The following TENM1 variants were observed in gnomAD, a reference collection of about 807,000 sequenced individuals.
TENM1 encodes teneurin-1.
A neutral mutation model predicts 174.8 loss-of-function variants in TENM1; 35 were observed. That is an observed-to-expected ratio of 0.20 (90% CI 0.15 to 0.27). The LOEUF is 0.27. Among genes scored for constraint, TENM1 ranks in the 10% least tolerant of loss-of-function variants. The probability of loss-of-function intolerance (pLI) is 1.00; values close to 1 mark genes in which losing one functional copy is unlikely to be tolerated. For missense variants in TENM1, 1,633 were observed against 2,130.1 expected (o/e 0.77, Z 4.59); for synonymous variants, 781 against 798.7 (o/e 0.98, Z 0.37).
chrX:124,605,413 T>G (rs1271473696), intron 11 of TENM1, among the ~76,000 whole-genome samples: 1 of 109,071 alleles, frequency 9.2e-6, no homozygotes, highest in East Asian at 2.9e-4. Context: ...CTACAGGACC[T>G]TTTGTTGTAT....
At chrX:124,599,342 G>A (rs906742829) in intron 11 of TENM1, among the ~76,000 whole-genome samples, 2 of 111,219 alleles carry the variant, frequency 1.8e-5, no homozygotes, top group Non-Finnish European at 3.8e-5. Flanking sequence ...TTAACCTGAG[G>A]TGCCTGTAAA....
At chrX:125,188,079 C>T in the TENM1 span, among the ~76,000 whole-genome samples, 5 of 110,668 alleles carry the variant, frequency 4.5e-5, no homozygotes, top group Admixed American at 9.6e-5. Flanking sequence ...ACCTGTAATC[C>T]GAGCATTTTG....
intron 3 of TENM1, among the ~76,000 whole-genome samples, chrX:124,838,903 A>C (rs1181614266): frequency 5.4e-5 from 6 of 111,601 alleles, no homozygotes; most frequent in African/African-American, 2.0e-4. Context: ...GCCATCTGGA[A>C]TATCTAATGT....
the TENM1 span, among the ~76,000 whole-genome samples, chrX:125,105,382 T>C: frequency 0.12 from 13,541 of 110,869 alleles, 706 homozygotes; most frequent in Admixed American, 0.28. Context: ...ACAGCTTCCA[T>C]CATCCTGACA....
exon 5 of TENM1, chrX:124,705,147 G>C (rs1281538046): frequency 8.3e-7 from 1 of 1,211,453 alleles, no homozygotes; most frequent in Non-Finnish European, 1.1e-6. Flanking sequence ...TCGAGGAAGA[G>C]GCCTGGGAGG....
At chrX:124,816,940 C>T (rs943689272) in intron 3 of TENM1, among the ~76,000 whole-genome samples, 3 of 109,761 alleles carry the variant, frequency 2.7e-5, no homozygotes, top group African/African-American at 1.0e-4. Flanking sequence ...GCAGAACATG[C>T]AGTTTTGTTA....
intron 14 of TENM1, among the ~76,000 whole-genome samples, chrX:124,552,018 G>A (rs2048584999): frequency 8.9e-6 from 1 of 111,835 alleles, no homozygotes; most frequent in Non-Finnish European, 1.9e-5. Context: ...TTGTCAGGTA[G>A]GTAGGATCTT....
the TENM1 span, among the ~76,000 whole-genome samples, chrX:124,980,333 G>A: frequency 7.2e-5 from 8 of 111,361 alleles, no homozygotes; most frequent in Non-Finnish European, 1.5e-4. Flanking sequence ...ATCTAATTGT[G>A]TGCTTTACTT....
chrX:124,591,806 C>T (rs1263114786), intron 11 of TENM1, among the ~76,000 whole-genome samples: 1 of 111,714 alleles, frequency 9.0e-6, no homozygotes, highest in Non-Finnish European at 1.9e-5. Context: ...TGAATTATTC[C>T]CTCAAATGTT....
chrX:124,820,623 C>T (rs1457808720), intron 3 of TENM1, among the ~76,000 whole-genome samples: 1 of 112,385 alleles, frequency 8.9e-6, no homozygotes, highest in African/African-American at 3.2e-5. Flanking sequence ...CAGTACTCTG[C>T]ATTCTCTCAA....
chrX:124,745,338 T>C (rs2053891661), intron 3 of TENM1, among the ~76,000 whole-genome samples: 2 of 111,345 alleles, frequency 1.8e-5, no homozygotes, highest in Non-Finnish European at 3.8e-5. Flanking sequence ...GGAAGAGATG[T>C]CACTATTATA....
At chrX:124,917,714 C>CT (rs981557372) in intron 1 of TENM1, among the ~76,000 whole-genome samples, 3 of 111,687 alleles carry the variant, frequency 2.7e-5, no homozygotes, top group Non-Finnish European at 5.6e-5. Context: ...TGGTCATTCC[C>CT]TTTTTTGCTG....
At chrX:124,608,581 T>A (rs373111400) in intron 11 of TENM1, among the ~76,000 whole-genome samples, 2 of 111,714 alleles carry the variant, frequency 1.8e-5, no homozygotes. Context: ...CAGTTTGTGC[T>A]GCTTCCCAAG....
chrX:124,823,340 CAAAT>C (rs1037603261), intron 3 of TENM1, among the ~76,000 whole-genome samples: 1 of 111,769 alleles, frequency 8.9e-6, no homozygotes, highest in Non-Finnish European at 1.9e-5. Flanking sequence ...AGCTGATCCT[CAAAT>C]AAATTATGTA....
chrX:124,559,805 C>G (rs2048772707), intron 14 of TENM1, among the ~76,000 whole-genome samples: 1 of 111,820 alleles, frequency 8.9e-6, no homozygotes, highest in Non-Finnish European at 1.9e-5. Context: ...GGGAATATAA[C>G]TATGGGCAAT....
chrX:124,601,767 A>G (rs1569336537), intron 11 of TENM1, among the ~76,000 whole-genome samples: 1 of 110,458 alleles, frequency 9.1e-6, no homozygotes. Flanking sequence ...GAGAGTTGAC[A>G]TAATTCATTG....
chrX:125,126,069 T>C, the TENM1 span, among the ~76,000 whole-genome samples: 1 of 112,207 alleles, frequency 8.9e-6, no homozygotes, highest in East Asian at 2.8e-4. Context: ...ACACTAAGCC[T>C]TTGGAAATAA....
chrX:124,708,410 C>T (rs2148500000), intron 4 of TENM1, among the ~76,000 whole-genome samples: 1 of 111,296 alleles, frequency 9.0e-6, no homozygotes, highest in South Asian at 3.8e-4. Context: ...TATCAAATGA[C>T]TTTAAAAATG....
At chrX:124,974,902 A>ATATATATATATATAT in the TENM1 span, among the ~76,000 whole-genome samples, 4 of 91,958 alleles carry the variant, frequency 4.3e-5, no homozygotes, top group Admixed American at 1.3e-4. Context: ...ATATATATAT[A>ATATATATATATATAT]AAATAATTTT....
Sources: allele counts gnomAD v4.1 joint callset (sites outside exome capture counted in the v4.1 genomes callset), GRCh38; gene constraint gnomAD v4.1.1; transcripts MANE v1.5; gene names NCBI Gene and HGNC (gene_info 2026-07-23, HGNC 2026-07-21).